The following AGBL4 variants were observed in gnomAD, a reference collection of about 807,000 sequenced individuals.
AGBL4 encodes the protein AGBL carboxypeptidase 4.
A neutral mutation model predicts 66.4 loss-of-function variants in AGBL4; 58 were observed. The observed-to-expected ratio is 0.87, with a 90% CI of 0.71 to 1.09. The LOEUF is 1.09. Ranked by LOEUF, AGBL4 falls within the 50% of genes least tolerant of loss-of-function variation. The probability of loss-of-function intolerance (pLI) is 0.00; values close to 1 mark genes in which losing one functional copy is unlikely to be tolerated. For synonymous variants in AGBL4, 234 were observed against 222.9 expected, an observed-to-expected ratio of 1.05 and a Z score of -0.44; for missense variants, 579 against 631.0, an observed-to-expected ratio of 0.92 and a Z score of 0.88.
chr1:48,768,145 G>C (rs936454548), intron 6 of AGBL4, among the ~76,000 whole-genome samples: 8 of 149,042 alleles, frequency 5.4e-5, no homozygotes, highest in African/African-American at 1.7e-4. Context: ...GGAAGTTGCT[G>C]TAACTTCCTC....
At chr1:49,783,055 T>C (rs995521643) in intron 2 of AGBL4, among the ~76,000 whole-genome samples, 1 of 151,942 alleles carries the variant, frequency 6.6e-6, no homozygotes, top group African/African-American at 2.4e-5. Context: ...GCACCACATA[T>C]GGGCCCTTGC....
chr1:49,654,832 C>T (rs1418038438), intron 3 of AGBL4, among the ~76,000 whole-genome samples: 3 of 152,052 alleles, frequency 2.0e-5, no homozygotes, highest in Non-Finnish European at 4.4e-5. Context: ...CACGTGAGAT[C>T]GGTTTCCTGA....
chr1:49,899,121 A>C (rs78664453), intron 1 of AGBL4, among the ~76,000 whole-genome samples: 1 of 152,174 alleles, frequency 6.6e-6, no homozygotes, highest in Non-Finnish European at 1.5e-5. Context: ...AATAACTAAA[A>C]GAGTGTAATT....
chr1:49,613,236 G>A (rs1333083604), intron 3 of AGBL4, among the ~76,000 whole-genome samples: 8 of 151,828 alleles, frequency 5.3e-5, no homozygotes, highest in Non-Finnish European at 1.5e-5. Flanking sequence ...CTAGATGGGG[G>A]AGGAAAAGAG....
At chr1:49,876,034 T>C (rs1571772686) in intron 1 of AGBL4, among the ~76,000 whole-genome samples, 1 of 146,598 alleles carries the variant, frequency 6.8e-6, no homozygotes, top group Non-Finnish European at 1.5e-5. Flanking sequence ...TTTGTTTGAG[T>C]TCATTGTAGA....
At chr1:49,872,341 T>C (rs1332018695) in intron 1 of AGBL4, among the ~76,000 whole-genome samples, 1 of 152,066 alleles carries the variant, frequency 6.6e-6, no homozygotes, top group African/African-American at 2.4e-5. Flanking sequence ...TCTTTTATAA[T>C]AGGGCATAAT....
At chr1:49,300,060 C>T (rs1449479196) in intron 3 of AGBL4, among the ~76,000 whole-genome samples, 1 of 152,174 alleles carries the variant, frequency 6.6e-6, no homozygotes, top group Non-Finnish European at 1.5e-5. Flanking sequence ...AAGATATTGG[C>T]ATGCAACTTT....
At chr1:48,867,112 G>T in intron 6 of AGBL4, 79 bp downstream of exon 6, 1 of 1,498,264 alleles carries the variant, frequency 6.7e-7, no homozygotes, top group Non-Finnish European at 9.2e-7. Context: ...AGAAGGGCAA[G>T]AATTGCATTT....
At chr1:49,919,709 G>A (rs1651992224) in intron 1 of AGBL4, among the ~76,000 whole-genome samples, 1 of 151,986 alleles carries the variant, frequency 6.6e-6, no homozygotes, top group Non-Finnish European at 1.5e-5. Context: ...AGCTACCAAT[G>A]ACTTTCTTCA....
intron 3 of AGBL4, among the ~76,000 whole-genome samples, chr1:49,406,578 T>C (rs1485386915): frequency 1.3e-5 from 2 of 152,168 alleles, no homozygotes; most frequent in African/African-American, 2.4e-5. Context: ...TAAATGTTTA[T>C]ACAATAATAT....
intron 4 of AGBL4, among the ~76,000 whole-genome samples, chr1:49,205,687 G>C (rs1297739862): frequency 2.6e-5 from 4 of 152,070 alleles, no homozygotes; most frequent in African/African-American, 9.7e-5. Flanking sequence ...AAGAAAAGGG[G>C]TGGTAATAGG....
chr1:49,277,419 T>C (rs974606337), intron 3 of AGBL4, among the ~76,000 whole-genome samples: 1 of 152,312 alleles, frequency 6.6e-6, no homozygotes. Flanking sequence ...CTTTTCTTGA[T>C]TTATTTGTTA....
At chr1:49,009,035 A>T (rs1170777962) in intron 5 of AGBL4, among the ~76,000 whole-genome samples, 2 of 150,782 alleles carry the variant, frequency 1.3e-5, no homozygotes, top group Non-Finnish European at 3.0e-5. Flanking sequence ...ATCAGAGCAG[A>T]ACTGAAGGAA....
intron 5 of AGBL4, among the ~76,000 whole-genome samples, chr1:48,980,133 G>A (rs1028295700): frequency 4.6e-5 from 7 of 152,134 alleles, no homozygotes; most frequent in African/African-American, 1.2e-4. Flanking sequence ...ATATAAGTGC[G>A]GCATTGGGCA....
chr1:48,809,720 ACT>A (rs1384503346), intron 6 of AGBL4, among the ~76,000 whole-genome samples: 1 of 152,076 alleles, frequency 6.6e-6, no homozygotes, highest in East Asian at 1.9e-4. Flanking sequence ...TCAGTTACAC[ACT>A]CTGCTTAAAC....
chr1:49,779,095 G>A (rs1328400623), intron 2 of AGBL4, among the ~76,000 whole-genome samples: 1 of 152,104 alleles, frequency 6.6e-6, no homozygotes, highest in Non-Finnish European at 1.5e-5. Context: ...CAGAGAAAGG[G>A]ATAATAAGAA....
In AGBL4 at chr1:49,770,955, C is replaced by G. The variant is rs552869508; in HGVS notation, c.158-73518G>C. Among the ~76,000 whole-genome samples the G allele has an allele frequency of 4.6e-5, 7 of 151,876 alleles. 1 individual carries two copies. In the South Asian group the frequency reaches 1.5e-3, roughly 32 times the overall value. ...TGATTCTGTTTATCTTTTCAAAAAC[C>G]AACTCTTCATTTCATTGATTTTTAA... On this transcript the variant is annotated intron_variant, in intron 2 of 13. Transcript: ENST00000371839.
chr1:48,538,889 G>A (rs1644015853), intron 12 of AGBL4, among the ~76,000 whole-genome samples: 1 of 152,208 alleles, frequency 6.6e-6, no homozygotes, highest in South Asian at 2.1e-4. Flanking sequence ...CTTCAAGTAG[G>A]ATGGACCACT....
At chr1:49,678,101 C>T (rs543985679) in intron 3 of AGBL4, among the ~76,000 whole-genome samples, 1 of 152,114 alleles carries the variant, frequency 6.6e-6, no homozygotes, top group African/African-American at 2.4e-5. Context: ...TTTTTGAAAA[C>T]GTTTTTATTT....
Sources: gnomAD v4.1 joint callset for allele counts (sites outside exome capture counted in the v4.1 genomes callset) on GRCh38, gnomAD v4.1.1 for gene constraint, MANE v1.5 for transcripts, NCBI Gene and HGNC (gene_info 2026-07-23, HGNC 2026-07-21) for gene names.